Variants in DIAPH3 observed in about 807,000 individuals in gnomAD.
DIAPH3 encodes diaphanous related formin 3.
DIAPH3 carries 117 observed loss-of-function variants against 144.3 expected under a neutral mutation model. The ratio of observed to expected loss-of-function variants is 0.81; its 90% CI spans 0.70 to 0.95. The LOEUF (loss-of-function observed/expected upper bound fraction) is 0.95. Among genes scored for constraint, DIAPH3 ranks in the 40% least tolerant of loss-of-function variants. The pLI is 0.00. For missense variants in DIAPH3, 1,421 were observed against 1,412.7 expected (o/e 1.01, Z -0.09); for synonymous variants, 519 against 488.9 (o/e 1.06, Z -0.81).
Position 59,992,602 on chromosome 13 carries a change from T to A in DIAPH3, c.1015-19A>T. 6.3e-7 allele frequency: 1 copy of A among 1,577,876 alleles called. No individual in the cohort carries two copies. The highest frequency in any genetic ancestry group is 8.7e-7 in the Non-Finnish European group (1 of 1,148,946). On this transcript the variant is annotated intron_variant, in intron 9 of 27. Coordinates refer to ENST00000400324, the MANE Select transcript of DIAPH3 (RefSeq NM_001042517.2). The stretch of plus-strand genomic sequence containing the variant: ...AAGCTACCTACAAGAGATCAAACAG[T>A]GAGACAGACTGGGTTTCCAACATTA...
intron 17 of DIAPH3, among the ~76,000 whole-genome samples, chr13:59,942,750 G>A (rs756250671): frequency 6.6e-6 from 1 of 152,030 alleles, no homozygotes; most frequent in Non-Finnish European, 1.5e-5. Context: ...ATATACAATT[G>A]AAGGGTTTTT....
intron 20 of DIAPH3, 38 bp from the exon 21 acceptor site, chr13:59,879,506 C>T (rs2044863930): frequency 1.2e-6 from 2 of 1,612,388 alleles, no homozygotes; most frequent in Non-Finnish European, 1.7e-6. Flanking sequence ...CTTTAAAATG[C>T]ATGGTATAGT....
intron 12 of DIAPH3, among the ~76,000 whole-genome samples, chr13:59,990,320 C>T (rs1389660801): frequency 2.0e-5 from 3 of 151,624 alleles, no homozygotes; most frequent in East Asian, 1.9e-4. Context: ...GATGTTACCC[C>T]GAGGACACAG....
At chr13:60,037,220 C>T (rs1000221197) in intron 5 of DIAPH3, among the ~76,000 whole-genome samples, 13 of 151,854 alleles carry the variant, frequency 8.6e-5, no homozygotes, top group African/African-American at 3.1e-4. Flanking sequence ...TTTGCCATCA[C>T]ACTCTCACTA....
At chr13:59,839,479 G>T in intron 22 of DIAPH3, 31 bp from the exon 23 acceptor site, 17 of 1,604,402 alleles carry the variant, frequency 1.1e-5, no homozygotes, top group Non-Finnish European at 1.4e-5. Context: ...TGCCCGGAAA[G>T]GACAAAATTA....
intron 27 of DIAPH3, among the ~76,000 whole-genome samples, chr13:59,721,444 G>C (rs1262002667): frequency 2.6e-5 from 4 of 152,072 alleles, no homozygotes; most frequent in East Asian, 1.9e-4. Flanking sequence ...AGTAATATAA[G>C]AGGAAGAACC....
At chr13:59,983,693 CG>C (rs1366668131) in intron 13 of DIAPH3, 75 bp downstream of exon 13, 65 of 1,016,842 alleles carry the variant, frequency 6.4e-5, no homozygotes, top group Non-Finnish European at 9.8e-5. Context: ...AGACACAACC[CG>C]AGAACCAATG....
intron 13 of DIAPH3, among the ~76,000 whole-genome samples, chr13:59,982,600 C>T (rs2051088206): frequency 6.6e-6 from 1 of 151,514 alleles, no homozygotes; most frequent in Non-Finnish European, 1.5e-5. Context: ...ATTTTAATAG[C>T]CTTTTCAAAT....
At chr13:59,675,451 C>A (rs915932669) in intron 27 of DIAPH3, among the ~76,000 whole-genome samples, 6 of 150,552 alleles carry the variant, frequency 4.0e-5, no homozygotes, top group Non-Finnish European at 8.8e-5. Context: ...GTGGCACGAT[C>A]TCGGCTCACT....
chr13:59,969,916 TAATA>T (rs774303165), intron 17 of DIAPH3, 24 bp downstream of exon 17: 12 of 1,372,768 alleles, frequency 8.7e-6, no homozygotes, highest in Middle Eastern at 1.9e-4. Context: ...AAAATCAAAT[TAATA>T]AATAATCAAG....
intron 3 of DIAPH3, among the ~76,000 whole-genome samples, chr13:60,095,398 A>C (rs2137925982): frequency 6.6e-6 from 1 of 152,152 alleles, no homozygotes; most frequent in East Asian, 1.9e-4. Context: ...AATTATACTC[A>C]CTTAAACTCA....
At position 60,001,345 on chromosome 13, in the gene DIAPH3, T is replaced by G. The variant is rs529741285; in HGVS notation, c.1014+7199A>C. On this transcript the variant is annotated intron_variant, in intron 9 of 27. Transcript: ENST00000400324. ...CATCTCCCATGCAAAACATCTTCCC[T>G]TCTCTCTGGATGTCAACCCCATTCC... Among the ~76,000 whole-genome samples, 10 of 152,284 alleles carry G rather than the reference T, an allele frequency of 6.6e-5. No individual in the cohort carries two copies. In the South Asian group the frequency reaches 1.9e-3, roughly 28 times the overall value.
intron 4 of DIAPH3, among the ~76,000 whole-genome samples, chr13:60,076,122 T>C (rs947585721): frequency 1.3e-5 from 2 of 152,202 alleles, no homozygotes; most frequent in African/African-American, 4.8e-5. Context: ...TCCTTTTTCT[T>C]TGCTCTGCCA....
intron 4 of DIAPH3, among the ~76,000 whole-genome samples, chr13:60,051,547 G>A (rs975326993): frequency 2.0e-5 from 3 of 152,046 alleles, no homozygotes; most frequent in African/African-American, 7.2e-5. Context: ...TTGAACCTGG[G>A]AAGCAGAGGT....
intron 22 of DIAPH3, among the ~76,000 whole-genome samples, chr13:59,859,193 G>C (rs919315033): frequency 2.0e-5 from 3 of 152,024 alleles, no homozygotes; most frequent in Non-Finnish European, 4.4e-5. Context: ...AAGTACTTCA[G>C]TGATGGCTTT....
intron 27 of DIAPH3, among the ~76,000 whole-genome samples, chr13:59,717,961 C>T (rs1377461732): frequency 6.6e-6 from 1 of 152,076 alleles, no homozygotes; most frequent in African/African-American, 2.4e-5. Flanking sequence ...ATACAGAAAT[C>T]ACTAAACATA....
At chr13:59,718,439 CATTATAA>C (rs1395453628) in intron 27 of DIAPH3, among the ~76,000 whole-genome samples, 1 of 152,148 alleles carries the variant, frequency 6.6e-6, no homozygotes, top group African/African-American at 2.4e-5. Context: ...CAAGGCAAAT[CATTATAA>C]ATTATAAACA....
chr13:60,084,635 C>A (rs895203349), intron 4 of DIAPH3, among the ~76,000 whole-genome samples: 1 of 151,958 alleles, frequency 6.6e-6, no homozygotes, highest in African/African-American at 2.4e-5. Flanking sequence ...TCTACCATAA[C>A]AGTAATATAC....
chr13:59,906,749 T>C (rs2046763089), intron 20 of DIAPH3, among the ~76,000 whole-genome samples: 2 of 152,154 alleles, frequency 1.3e-5, no homozygotes, highest in Non-Finnish European at 2.9e-5. Flanking sequence ...TGGAGACAAA[T>C]ACTCAAAAAC....
Sources: gnomAD v4.1 joint callset for allele counts (sites outside exome capture counted in the v4.1 genomes callset) on GRCh38, gnomAD v4.1.1 for gene constraint, MANE v1.5 for transcripts, NCBI Gene and HGNC (gene_info 2026-07-23, HGNC 2026-07-21) for gene names.